BLM: variants seen among roughly 807,000 people sequenced by gnomAD.
BLM encodes the protein BLM RecQ like helicase, also known as recQ-like DNA helicase BLM.
BLM carries 95 observed loss-of-function variants against 135.3 expected under a neutral mutation model. The observed-to-expected ratio is 0.70, with a 90% CI of 0.59 to 0.83. The LOEUF (loss-of-function observed/expected upper bound fraction) is 0.83, where lower values mean the gene tolerates loss of function less well. Among genes scored for constraint, BLM ranks in the 40% least tolerant of loss-of-function variants. BLM has a pLI of 0.00. For synonymous variants in BLM, 520 were observed against 589.2 expected, an observed-to-expected ratio of 0.88 and a Z score of 1.70; for missense variants, 1,518 against 1,663.9, an observed-to-expected ratio of 0.91 and a Z score of 1.53.
chr15:90,811,344 G>C lies in BLM; in HGVS notation c.4014G>C (p.Lys1338Asn), dbSNP rs2151199915. 1 of 1,614,204 alleles carries C rather than the reference G, an allele frequency of 6.2e-7. No individual in the cohort carries two copies. ...SKTRNERKRKKMPASQRSKRR... is the reference protein window; with the variant it reads ...SKTRNERKRKNMPASQRSKRR... Reference sequence around the variant, plus strand: ...CCAGAAATGAAAGGAAGAGGAAAAAGATGCCAGCCTCCCAAAGGTCTAAGA... The same window carrying C: ...CCAGAAATGAAAGGAAGAGGAAAAACATGCCAGCCTCCCAAAGGTCTAAGA... Residue 1338 changes from lysine to asparagine, a missense_variant, in exon 21 of 22, where the codon AAG becomes AAC. Lys to Asn is a moderately conservative substitution (Grantham distance 94). This residue lies in a region of BLM where 153 missense variants were observed against 173.4 expected (regional missense o/e 0.88). Transcript: ENST00000355112.
Position 90,813,293 on chromosome 15 carries a change from G to A in BLM, c.4077-1809G>A, listed in dbSNP as rs529408227. ...TTTGTTTGTAAGAGTGAAGCACTTT[G>A]CAGCATCATCTGGAACCTAATCTGA... On this transcript the variant is annotated intron_variant, in intron 21 of 21. Transcript: ENST00000355112. Among the ~76,000 whole-genome samples the A allele has an allele frequency of 2.6e-5, 4 of 152,316 alleles. 1 individual carries two copies. Among genetic ancestry groups the A allele is most frequent in the African/African-American group, 9.6e-5 (4 of 41,574 alleles).
intron 5 of BLM, among the ~76,000 whole-genome samples, chr15:90,757,947 T>C (rs1195650226): frequency 3.3e-5 from 5 of 151,652 alleles, no homozygotes; most frequent in Admixed American, 3.3e-4. Context: ...ACTGGCGCAA[T>C]CTCTGCTCAC....
intron 19 of BLM, among the ~76,000 whole-genome samples, chr15:90,807,018 G>T (rs1013454119): frequency 6.6e-6 from 1 of 152,168 alleles, no homozygotes; most frequent in African/African-American, 2.4e-5. Context: ...ATTACCGTAG[G>T]TACTTATAAA....
Position 90,747,374 on chromosome 15 carries a change from TC to T in BLM, c.-4-12del. On this transcript the variant is annotated splice_polypyrimidine_tract_variant and intron_variant, in intron 1 of 21. Coordinates refer to ENST00000355112, the MANE Select transcript of BLM (RefSeq NM_000057.4). Reference sequence around the variant, plus strand: ...GTACCTAACTCCACTGATTTCTTTTTCCCTCACTTTTTAGGATTATGGCTGC... The same window carrying T: ...GTACCTAACTCCACTGATTTCTTTTTCCTCACTTTTTAGGATTATGGCTGC... 2.5e-6 allele frequency: 4 copies of T among 1,585,354 alleles called. No homozygotes were observed. Among genetic ancestry groups the T allele is most frequent in the Non-Finnish European group, 3.5e-6 (4 of 1,157,652 alleles).
chr15:90,789,987 G>GTTTTTTTTTTTTTTTTTT (rs61059865), intron 14 of BLM, among the ~76,000 whole-genome samples: 2 of 57,376 alleles, frequency 3.5e-5, no homozygotes, highest in East Asian at 7.1e-4. Context: ...AGTCCCTGGT[G>GTTTTTTTTTTTTTTTTTT]TTTTTTTTTT....
In BLM at chr15:90,749,900, C is replaced by T. The variant is rs758478914; in HGVS notation, c.632C>T (p.Pro211Leu). 1.9e-6 allele frequency: 3 copies of T among 1,612,624 alleles called. No homozygotes were observed. The highest frequency in any genetic ancestry group is 3.3e-5 in the Admixed American group (2 of 59,972). Residue 211 changes from proline to leucine, a missense_variant, in exon 3 of 22, where the codon CCC (proline) becomes CTC (leucine). Physicochemically the swap from Pro to Leu is moderately conservative, Grantham distance 98 (BLOSUM62 -3). This residue lies in a region of BLM where 724 missense variants were observed against 756.9 expected (regional missense o/e 0.96). Coordinates refer to ENST00000355112, the MANE Select transcript of BLM (RefSeq NM_000057.4). ...ACAGTAAAGACTGATTTGCCTCCAC[C>T]CTCCTCTGAAAGCGAGCAAATAGAT... ...TNTVKTDLPP[P>L]SSESEQIDLT...
Position 90,749,476 on chromosome 15 carries a change from G to T in BLM, c.208G>T (p.Asp70Tyr), listed in dbSNP as rs769957028. 1 of 1,613,732 alleles carries T rather than the reference G, an allele frequency of 6.2e-7. No homozygotes were observed. ...LRNKDVNVTE[D>Y]FSFSEPLPNT... is the part of the protein sequence containing the mutation. ...AAATAAAGATGTTAATGTTACCGAA[G>T]ACTTTTCCTTCAGTGAACCTCTACC... Residue 70 changes from aspartate to tyrosine, a missense_variant, in exon 3 of 22, where the codon GAC becomes TAC. Coordinates refer to ENST00000355112, the MANE Select transcript of BLM (RefSeq NM_000057.4).
At chr15:90,744,802 C>T (rs1895457657) in intron 1 of BLM, among the ~76,000 whole-genome samples, 1 of 152,084 alleles carries the variant, frequency 6.6e-6, no homozygotes, top group African/African-American at 2.4e-5. Flanking sequence ...GCAATCCCAG[C>T]ACTTTGGGAG....
At chr15:90,745,199 G>A (rs1040990951) in intron 1 of BLM, among the ~76,000 whole-genome samples, 10 of 151,994 alleles carry the variant, frequency 6.6e-5, no homozygotes, top group East Asian at 1.9e-4. Context: ...TGAAGAGCCC[G>A]CCTGAAAAGA....
At chr15:90,798,116 G>A in intron 16 of BLM, 74 bp from the exon 17 acceptor site, 2 of 1,348,588 alleles carry the variant, frequency 1.5e-6, no homozygotes, top group Non-Finnish European at 2.1e-6. Flanking sequence ...ATCTACTATA[G>A]TTAATATTAA....
chr15:90,815,472 G>T lies in BLM; in HGVS notation c.*193G>T. 2 of 647,354 alleles carry T rather than the reference G, an allele frequency of 3.1e-6. No individual in the cohort carries two copies. Among genetic ancestry groups the T allele is most frequent in the South Asian group, 4.1e-5 (2 of 49,274 alleles). 40.1% of individuals were successfully genotyped at this position (647,354 alleles called of 1,614,324 possible). On this transcript the variant is annotated 3_prime_UTR_variant, in exon 22 of 22. Transcript: ENST00000355112. This position sits in a 1 kb window ranked among gnomAD's most constrained non-coding sequence, Gnocchi z 4.6. Reference sequence around the variant, plus strand: ...TTCTTTTGAATAAGCATGTTTTGCTGCCGCTGCAAGTGTTGTGGCCGTTGT... The same window carrying T: ...TTCTTTTGAATAAGCATGTTTTGCTTCCGCTGCAAGTGTTGTGGCCGTTGT...
chr15:90,751,424 G>A (rs191792258), intron 3 of BLM, among the ~76,000 whole-genome samples: 15 of 152,304 alleles, frequency 9.8e-5, no homozygotes, highest in Admixed American at 2.6e-4. Flanking sequence ...ACAAGCAGCC[G>A]TGTTTGTGTT....
At chr15:90,737,315 G>A (rs538004243) in intron 1 of BLM, among the ~76,000 whole-genome samples, 2 of 152,158 alleles carry the variant, frequency 1.3e-5, no homozygotes, top group African/African-American at 2.4e-5. Flanking sequence ...ATGTATAGCT[G>A]TAGATACAGA....
intron 21 of BLM, among the ~76,000 whole-genome samples, chr15:90,814,594 G>A (rs1335885531): frequency 1.1e-4 from 16 of 152,150 alleles, no homozygotes; most frequent in Non-Finnish European, 2.2e-4. Context: ...CCAGGAAGAC[G>A]CCCAGCTTTG....
At chr15:90,799,488 A>G (rs1897113883) in intron 17 of BLM, among the ~76,000 whole-genome samples, 1 of 151,934 alleles carries the variant, frequency 6.6e-6, no homozygotes, top group South Asian at 2.1e-4. Flanking sequence ...AATCCTCAGT[A>G]GATGTAAAAT....
intron 21 of BLM, among the ~76,000 whole-genome samples, 182 bp downstream of exon 21, chr15:90,811,588 A>G (rs1415196247): frequency 6.6e-6 from 1 of 152,264 alleles, no homozygotes; most frequent in African/African-American, 2.4e-5. Flanking sequence ...ATTTGCTTCA[A>G]GAAACAACAA....
rs117093585 is a variant in BLM, at chr15:90,806,215, G to A, written c.3751+1856G>A. 4.7e-3 allele frequency among the ~76,000 whole-genome samples: 717 copies of A among 152,076 alleles called. 12 individuals carry two copies. Among genetic ancestry groups the A allele is most frequent in the East Asian group, 0.03 (154 of 5,158 alleles). On this transcript the variant is annotated intron_variant, in intron 19 of 21. Transcript: ENST00000355112. Reference sequence around the variant, plus strand: ...CAATGAAATATTGTAATGACCAATTGTAATATTGTAATGGGCTGGGGGCCG... The same window carrying A: ...CAATGAAATATTGTAATGACCAATTATAATATTGTAATGGGCTGGGGGCCG...
chr15:90,777,211 G>A (rs1050288777), intron 12 of BLM, among the ~76,000 whole-genome samples: 3 of 152,000 alleles, frequency 2.0e-5, no homozygotes, highest in African/African-American at 7.2e-5. Context: ...TGCCCAGGCT[G>A]GAGTACAGTA....
chr15:90,774,946 G>T (rs56277707), intron 12 of BLM, among the ~76,000 whole-genome samples: 1 of 124,356 alleles, frequency 8.0e-6, no homozygotes, highest in African/African-American at 4.2e-5. Flanking sequence ...TATAACGATG[G>T]TAAAATGTTT....
Sources: gnomAD v4.1 joint callset for allele counts (sites outside exome capture counted in the v4.1 genomes callset) on GRCh38, gnomAD v4.1.1 for gene constraint, gnomAD v4.1.1 regional missense constraint, Gnocchi (gnomAD v3.1) non-coding constraint, MANE v1.5 for transcripts, NCBI Gene and HGNC (gene_info 2026-07-23, HGNC 2026-07-21) for gene names.